HRAS: variants seen among roughly 807,000 people sequenced by gnomAD.
HRAS encodes GTPase HRas.
In HRAS, 11 loss-of-function variants were observed where a neutral mutation model predicts 19.8. That is an observed-to-expected ratio of 0.55 (90% CI 0.35 to 0.92). The LOEUF (loss-of-function observed/expected upper bound fraction) is 0.92. Among genes scored for constraint, HRAS ranks in the 40% least tolerant of loss-of-function variants. The pLI is 0.01. For synonymous variants in HRAS, 149 were observed against 105.5 expected, an observed-to-expected ratio of 1.41 and a Z score of -2.52; for missense variants, 204 against 255.9, an observed-to-expected ratio of 0.80 and a Z score of 1.38.
chr11:532,784 G>A (rs1230674222), intron 4 of HRAS, 29 bp from the exon 5 acceptor site: 38 of 1,609,390 alleles, frequency 2.4e-5, no homozygotes, highest in Non-Finnish European at 3.1e-5. Context: ...GATCAGGAGG[G>A]ACCGGCCTGT....
At chr11:534,007 A>T (rs2133992592) in intron 2 of HRAS, 63 bp from the exon 3 acceptor site, 1 of 1,549,864 alleles carries the variant, frequency 6.5e-7, no homozygotes, top group Non-Finnish European at 8.8e-7. Context: ...TCACACAGCC[A>T]GCCTCTCCCT....
At chr11:533,641 C>CGG (rs1564789221) in intron 3 of HRAS, 29 bp from the exon 4 acceptor site, 2 of 1,613,432 alleles carry the variant, frequency 1.2e-6, no homozygotes, top group Middle Eastern at 3.3e-4. Flanking sequence ...GAGCTGGCTA[C>CGG]GGGGGCTGCA....
At chr11:534,409 G>GCCCAGC (rs544630615) in intron 1 of HRAS, 34 bp from the exon 2 acceptor site, 1 of 732,698 alleles carries the variant, frequency 1.4e-6, no homozygotes, top group South Asian at 2.0e-5. Context: ...CCAGGCCCAG[G>GCCCAGC]CCCAGCCCCA....
In HRAS at chr11:533,839, G is replaced by T. The variant is rs749674880; in HGVS notation, c.217C>A (p.Arg73Ser). Residue 73 changes from arginine (R) to serine (S), a missense_variant, in exon 3 of 6, where the codon CGC becomes AGC. Physicochemically the swap from Arg to Ser is moderately radical, Grantham distance 110 (BLOSUM62 -1). Coordinates refer to ENST00000311189, the MANE Select transcript of HRAS (RefSeq NM_005343.4). Reference protein sequence around the residue: ...EYSAMRDQYMRTGEGFLCVFA... With the variant: ...EYSAMRDQYMSTGEGFLCVFA... ...ACACACAGGAAGCCCTCCCCGGTGC[G>T]CATGTACTGGTCCCGCATGGCGCTG... 1 of 1,613,318 alleles carries T rather than the reference G, an allele frequency of 6.2e-7. No individual in the cohort carries two copies. Among genetic ancestry groups the T allele is most frequent in the Non-Finnish European group, 8.5e-7 (1 of 1,179,968 alleles).
chr11:534,420 G>C, intron 1 of HRAS, 45 bp from the exon 2 acceptor site: 1 of 798,178 alleles, frequency 1.3e-6, no homozygotes, highest in Non-Finnish European at 2.0e-6. Context: ...CCCAGCCCCA[G>C]GCCCCACAGG....
intron 4 of HRAS, chr11:533,141 G>A (rs1432784336): frequency 1.1e-5 from 9 of 801,608 alleles, no homozygotes; most frequent in Admixed American, 5.7e-5. Context: ...CAGGGTCACC[G>A]CTCCGGCCTG....
chr11:534,744 C>T (rs1458060424), intron 1 of HRAS, among the ~76,000 whole-genome samples: 1 of 152,232 alleles, frequency 6.6e-6, no homozygotes. Flanking sequence ...CACGGCGGAG[C>T]GCGCCACGGC....
At chr11:534,771 G>A (rs1851353343) in intron 1 of HRAS, among the ~76,000 whole-genome samples, 1 of 152,226 alleles carries the variant, frequency 6.6e-6, no homozygotes. Context: ...GGGCAGGCTA[G>A]TGCCAGCCTG....
intron 4 of HRAS, 137 bp downstream of exon 4, chr11:533,315 TC>T: frequency 6.2e-7 from 1 of 1,602,338 alleles, no homozygotes. Context: ...TCCCGGGGGG[TC>T]CCAGAGGGTC....
At position 533,854 on chromosome 11, in the gene HRAS, G is replaced by T. The variant is rs1370690781; in HGVS notation, c.202C>A (p.Arg68=). 1 of 1,613,190 alleles carries T rather than the reference G, an allele frequency of 6.2e-7. No homozygotes were observed. The highest frequency in any genetic ancestry group is 1.3e-5 in the African/African-American group (1 of 74,918). The stretch of plus-strand genomic sequence containing the variant: ...TCCCCGGTGCGCATGTACTGGTCCC[G>T]CATGGCGCTGTACTCCTCCTGGCCG... ...TAGQEEYSAM[R]DQYMRTGEGF... The change falls in exon 3 of 6, where the codon CGG becomes AGG. Residue 68 remains arginine, a synonymous_variant. Transcript: ENST00000311189.
chr11:533,759 G>C lies in HRAS; in HGVS notation c.290+7C>G, dbSNP rs1367770571. On this transcript the variant is annotated splice_region_variant and intron_variant, in intron 3 of 5. Coordinates refer to ENST00000311189, the MANE Select transcript of HRAS (RefSeq NM_005343.4). ...GTGGGCTCCCGGGCCAGCCTCACGG[G>C]GTTCACCTGTACTGGTGGATGTCCT... 5 of 1,613,242 alleles carry C rather than the reference G, an allele frequency of 3.1e-6. No homozygotes were observed. Among genetic ancestry groups the C allele is most frequent in the South Asian group, 1.1e-5 (1 of 91,080 alleles).
At chr11:534,598 G>T in intron 1 of HRAS, 1 of 553,626 alleles carries the variant, frequency 1.8e-6, no homozygotes, top group East Asian at 3.0e-5. Flanking sequence ...TGGGAAAAGG[G>T]ACCCAGCCCT....
rs759930852 is a variant in HRAS, at chr11:534,168, G to A, written c.111+44C>T. ...CCTATCCTGGCTGTGTCCTGGGCTC[G>A]CCCGCAGCAGCTGCTGGCACCTGGA... On this transcript the variant is annotated intron_variant, in intron 2 of 5. Transcript: ENST00000311189. 18 of 1,483,640 alleles carry A rather than the reference G, an allele frequency of 1.2e-5. No homozygotes were observed. The South Asian group carries it at 1.4e-4, about 11-fold the overall frequency. 91.9% of individuals were successfully genotyped at this position (1,483,640 alleles called of 1,614,324 possible). A position where few individuals can be genotyped will look rare whatever the true frequency, so the allele number is the denominator to read the frequency against.
In HRAS at chr11:533,867, C is replaced by T. The variant is rs2133990918; in HGVS notation, c.189G>A (p.Glu63=). The T allele has an allele frequency of 1.9e-6, 3 of 1,613,344 alleles. No homozygotes were observed. Among genetic ancestry groups the T allele is most frequent in the Non-Finnish European group, 1.7e-6 (2 of 1,179,992 alleles). ...LDILDTAGQE[E]YSAMRDQYMR... ...TGTACTGGTCCCGCATGGCGCTGTACTCCTCCTGGCCGGCGGTATCCAGGA... is the reference window on the plus strand; with the variant it reads ...TGTACTGGTCCCGCATGGCGCTGTATTCCTCCTGGCCGGCGGTATCCAGGA... Residue 63 remains glutamate (E), a synonymous_variant, in exon 3 of 6, where the codon GAG becomes GAA. Transcript: ENST00000311189.
At position 534,544 on chromosome 11, in the gene HRAS, G is replaced by A. The variant is rs1851337875; in HGVS notation, c.-53-169C>T. 5 of 595,194 alleles carry A rather than the reference G, an allele frequency of 8.4e-6. No homozygotes were observed. The East Asian group carries it at 1.1e-4, about 13-fold the overall frequency. 36.9% of individuals were successfully genotyped at this position (595,194 alleles called of 1,614,324 possible). On this transcript the variant is annotated intron_variant, in intron 1 of 5. Coordinates refer to ENST00000311189, the MANE Select transcript of HRAS (RefSeq NM_005343.4). ...TGTGCAGCTGCAACCCAGCGTGCGG[G>A]AGGGCTGTCGCCTCGCCCCCACTTG...
In HRAS at chr11:533,481, T is replaced by C. The variant is rs372048612; in HGVS notation, c.422A>G (p.Tyr141Cys). 4 of 1,613,504 alleles carry C rather than the reference T, an allele frequency of 2.5e-6. No homozygotes were observed. Among genetic ancestry groups the C allele is most frequent in the East Asian group, 2.2e-5 (1 of 44,884 alleles). The change falls in exon 4 of 6, where the codon TAC becomes TGC. Residue 141 changes from tyrosine (Y) to cysteine (C), a missense_variant. By Grantham distance (194) the Tyr-to-Cys change is radical (BLOSUM62 -2). Coordinates refer to ENST00000311189, the MANE Select transcript of HRAS (RefSeq NM_005343.4). The part of the protein sequence containing the change: ...QDLARSYGIP[Y>C]IETSAKTRQG... Reference sequence around the variant, plus strand: ...CCGGGTCTTGGCCGAGGTCTCGATGTAGGGGATGCCGTAGCTTCGGGCGAG... The same window carrying C: ...CCGGGTCTTGGCCGAGGTCTCGATGCAGGGGATGCCGTAGCTTCGGGCGAG...
intron 1 of HRAS, among the ~76,000 whole-genome samples, chr11:534,973 G>T (rs1329115093): frequency 6.6e-6 from 1 of 152,242 alleles, no homozygotes; most frequent in Admixed American, 6.5e-5. Context: ...GACAGGAAGG[G>T]GCCGAGAAGC....
At chr11:535,358 T>C (rs1851424011) in intron 1 of HRAS, 58 bp downstream of exon 1, 1 of 145,924 alleles carries the variant, frequency 6.9e-6, no homozygotes, top group African/African-American at 2.5e-5. Flanking sequence ...CCGCGCGTAT[T>C]GCTGCCGCCT....
intron 2 of HRAS, 91 bp downstream of exon 2, chr11:534,121 G>A (rs1851305281): frequency 8.2e-7 from 1 of 1,218,126 alleles, no homozygotes; most frequent in Non-Finnish European, 1.2e-6. Flanking sequence ...CACCATGCAG[G>A]GGACCAGGGG....
Sources: allele counts gnomAD v4.1 joint callset (sites outside exome capture counted in the v4.1 genomes callset), GRCh38; gene constraint gnomAD v4.1.1; transcripts MANE v1.5; gene names NCBI Gene and HGNC (gene_info 2026-07-23, HGNC 2026-07-21).